Variants in MITF observed in about 807,000 individuals in gnomAD.
MITF encodes microphthalmia-associated transcription factor.
In MITF, 17 loss-of-function variants were observed where a neutral mutation model predicts 60.5. The ratio of observed to expected loss-of-function variants is 0.28; its 90% CI spans 0.19 to 0.42. The LOEUF is 0.42. Among genes scored for constraint, MITF ranks in the 10% least tolerant of loss-of-function variants. The pLI is 1.00. For synonymous variants in MITF, 260 were observed against 248.5 expected, an observed-to-expected ratio of 1.05 and a Z score of -0.43; for missense variants, 622 against 683.5, an observed-to-expected ratio of 0.91 and a Z score of 1.00.
intron 1 of MITF, among the ~76,000 whole-genome samples, chr3:69,851,728 G>C (rs1482348385): frequency 2.0e-5 from 3 of 152,300 alleles, no homozygotes; most frequent in East Asian, 3.9e-4. Context: ...TATCTTGATT[G>C]TGCTGGTGGT....
intron 1 of MITF, among the ~76,000 whole-genome samples, chr3:69,800,096 A>G (rs1305920005): frequency 6.6e-6 from 1 of 152,174 alleles, no homozygotes; most frequent in Non-Finnish European, 1.5e-5. Flanking sequence ...CTTCGTACCT[A>G]TTAGCAGTTA....
chr3:69,879,312 ACAC>A lies in MITF; in HGVS notation c.286_288del (p.Pro96del). 6.2e-7 allele frequency: 1 copy of A among 1,613,380 alleles called. No individual in the cohort carries two copies. Among genetic ancestry groups the A allele is most frequent in the Non-Finnish European group, 8.5e-7 (1 of 1,179,938 alleles). On this transcript the variant is annotated inframe_deletion, in exon 2 of 10. Coordinates refer to ENST00000352241, the MANE Select transcript of MITF (RefSeq NM_001354604.2). ...GCAACAGAGAGTGCCCGTGAGTCAGACACCAGCCATAAACGTCAGTGTGCCCAC... is the reference window on the plus strand; with the variant it reads ...GCAACAGAGAGTGCCCGTGAGTCAGACAGCCATAAACGTCAGTGTGCCCAC...
chr3:69,920,420 C>T (rs1208891512), intron 2 of MITF, among the ~76,000 whole-genome samples: 6 of 152,204 alleles, frequency 3.9e-5, no homozygotes, highest in Non-Finnish European at 8.8e-5. Context: ...AACCATCTCC[C>T]TGTGATGCTG....
chr3:69,911,233 C>T (rs192846140), intron 2 of MITF, among the ~76,000 whole-genome samples: 10 of 152,276 alleles, frequency 6.6e-5, no homozygotes, highest in Middle Eastern at 3.4e-3. Flanking sequence ...GAGGCCTCAC[C>T]GGCCGTGTGG....
chr3:69,774,488 G>A (rs1226125107), intron 1 of MITF, among the ~76,000 whole-genome samples: 1 of 152,140 alleles, frequency 6.6e-6, no homozygotes, highest in African/African-American at 2.4e-5. Context: ...TATTGCTTTA[G>A]TCTTACCTTG....
chr3:69,907,569 C>A (rs2065128265), intron 2 of MITF, among the ~76,000 whole-genome samples: 1 of 152,168 alleles, frequency 6.6e-6, no homozygotes, highest in African/African-American at 2.4e-5. Flanking sequence ...CTCCTCAGAT[C>A]CTGGTCTAAT....
intron 1 of MITF, among the ~76,000 whole-genome samples, chr3:69,824,788 G>T (rs1219263411): frequency 1.3e-5 from 2 of 152,138 alleles, no homozygotes; most frequent in Non-Finnish European, 1.5e-5. Flanking sequence ...ACCTCTCCTT[G>T]GGCTGTTTTG....
Position 69,968,173 on chromosome 3 carries a change from G to A in MITF, c.*2925G>A, listed in dbSNP as rs997307607. ...AAAATGACAAATGACTGTCTCTTGC[G>A]GATGCTTGGTACTGTAATGTTAATA... On this transcript the variant is annotated 3_prime_UTR_variant, in exon 10 of 10. Coordinates refer to ENST00000352241, the MANE Select transcript of MITF (RefSeq NM_001354604.2). The A allele has an allele frequency of 3.9e-5, 9 of 232,994 alleles. No homozygotes were observed. The highest frequency in any genetic ancestry group is 1.8e-4 in the East Asian group (3 of 16,474). 14.4% of individuals were successfully genotyped at this position (232,994 alleles called of 1,614,324 possible). A position where few individuals can be genotyped will look rare whatever the true frequency, so the allele number is the denominator to read the frequency against.
intron 1 of MITF, among the ~76,000 whole-genome samples, chr3:69,801,621 A>AT (rs2062920925): frequency 6.6e-6 from 1 of 152,196 alleles, no homozygotes; most frequent in Non-Finnish European, 1.5e-5. Context: ...ACTGTGATAT[A>AT]TTTTACATGA....
chr3:69,876,843 C>G (rs763770807), intron 1 of MITF, among the ~76,000 whole-genome samples: 2 of 152,162 alleles, frequency 1.3e-5, no homozygotes, highest in Non-Finnish European at 2.9e-5. Context: ...ATTTTGATCA[C>G]TCAAGTCCTT....
chr3:69,898,727 A>G (rs1343428212), intron 2 of MITF, among the ~76,000 whole-genome samples: 1 of 152,166 alleles, frequency 6.6e-6, no homozygotes, highest in East Asian at 1.9e-4. Flanking sequence ...CTAGGATTGA[A>G]AAGTGTCTAT....
chr3:69,891,546 T>C (rs1296198246), intron 2 of MITF, among the ~76,000 whole-genome samples: 1 of 152,236 alleles, frequency 6.6e-6, no homozygotes, highest in Non-Finnish European at 1.5e-5. Context: ...CATTAATCTG[T>C]GTTTTAACCA....
At chr3:69,769,336 G>A (rs187095642) in intron 1 of MITF, among the ~76,000 whole-genome samples, 41 of 152,194 alleles carry the variant, frequency 2.7e-4, no homozygotes, top group African/African-American at 9.6e-4. Context: ...CACCTAGTTA[G>A]CACTCATATC....
At chr3:69,766,966 T>C (rs17006419) in intron 1 of MITF, among the ~76,000 whole-genome samples, 27,638 of 152,190 alleles carry the variant, frequency 0.18, 3,188 homozygotes, top group East Asian at 0.47. Context: ...GGTCAGCAGA[T>C]GTTCATTTAA....
chr3:69,883,834 C>T (rs959006900), intron 2 of MITF, among the ~76,000 whole-genome samples: 2 of 152,264 alleles, frequency 1.3e-5, no homozygotes, highest in South Asian at 4.2e-4. Context: ...TCCATTCACA[C>T]ATGGACCAGC....
chr3:69,771,972 G>A (rs1027442813), intron 1 of MITF, among the ~76,000 whole-genome samples: 3 of 152,212 alleles, frequency 2.0e-5, no homozygotes, highest in Admixed American at 6.5e-5. Context: ...GGAAATTGGT[G>A]ATGCATTTGG....
chr3:69,782,821 T>C (rs1156318239), intron 1 of MITF, among the ~76,000 whole-genome samples: 1 of 152,232 alleles, frequency 6.6e-6, no homozygotes, highest in African/African-American at 2.4e-5. Context: ...CTAGGAATAT[T>C]TAATCTCTTA....
chr3:69,936,808 G>T, intron 2 of MITF: 1 of 1,541,682 alleles, frequency 6.5e-7, no homozygotes, highest in South Asian at 1.1e-5. Flanking sequence ...GCAATAAATT[G>T]ATTTAATCCA....
At chr3:69,817,384 A>G (rs2063197918) in intron 1 of MITF, among the ~76,000 whole-genome samples, 2 of 152,180 alleles carry the variant, frequency 1.3e-5, no homozygotes, top group African/African-American at 2.4e-5. Flanking sequence ...TCTCATTAGT[A>G]CTAGTGTACG....
Sources: gnomAD v4.1 joint callset for allele counts (sites outside exome capture counted in the v4.1 genomes callset) on GRCh38, gnomAD v4.1.1 for gene constraint, MANE v1.5 for transcripts, NCBI Gene and HGNC (gene_info 2026-07-23, HGNC 2026-07-21) for gene names.